Variants in NCALD observed in about 807,000 individuals in gnomAD.
NCALD encodes the protein neurocalcin-delta.
In NCALD, 10 loss-of-function variants were observed where a neutral mutation model predicts 18.6. The observed-to-expected ratio is 0.54, with a 90% CI of 0.33 to 0.91. NCALD has a LOEUF of 0.91. Ranked by LOEUF, NCALD falls within the 40% of genes least tolerant of loss-of-function variation. NCALD has a pLI of 0.03. For synonymous variants in NCALD, 88 were observed against 87.4 expected, an observed-to-expected ratio of 1.01 and a Z score of -0.04; for missense variants, 184 against 247.6, an observed-to-expected ratio of 0.74 and a Z score of 1.72.
intron 1 of NCALD, among the ~76,000 whole-genome samples, chr8:101,774,123 T>C (rs1811695899): frequency 6.6e-6 from 1 of 152,234 alleles, no homozygotes; most frequent in Non-Finnish European, 1.5e-5. Flanking sequence ...CAATGAATCA[T>C]ACACCATAGA....
At chr8:102,092,074 A>C (rs1380077039) in intron 1 of NCALD, among the ~76,000 whole-genome samples, 1 of 152,254 alleles carries the variant, frequency 6.6e-6, no homozygotes, top group Non-Finnish European at 1.5e-5. Context: ...ATAGGAGGTC[A>C]ACACAAGATA....
intron 1 of NCALD, among the ~76,000 whole-genome samples, chr8:101,784,424 A>G (rs1430826977): frequency 1.3e-5 from 2 of 152,134 alleles, no homozygotes; most frequent in Non-Finnish European, 2.9e-5. Flanking sequence ...GTACTCTATC[A>G]GTTGGACCAA....
At chr8:102,094,483 C>T (rs1799111826) in intron 1 of NCALD, among the ~76,000 whole-genome samples, 1 of 152,206 alleles carries the variant, frequency 6.6e-6, no homozygotes, top group South Asian at 2.1e-4. Context: ...ACACATCTGC[C>T]TCCACATCCT....
chr8:101,798,049 A>G (rs1231832007), intron 4 of NCALD, among the ~76,000 whole-genome samples: 1 of 152,186 alleles, frequency 6.6e-6, no homozygotes, highest in Non-Finnish European at 1.5e-5. Context: ...GTATACGGCT[A>G]ATTTTATACT....
At chr8:101,768,716 A>AAAAAAC in intron 1 of NCALD, among the ~76,000 whole-genome samples, 1 of 81,376 alleles carries the variant, frequency 1.2e-5, no homozygotes, top group African/African-American at 3.9e-5. Flanking sequence ...CTCAAAAAAC[A>AAAAAAC]AAAAAACAAA....
intron 1 of NCALD, among the ~76,000 whole-genome samples, chr8:102,122,817 T>C (rs75919555): frequency 6.6e-6 from 1 of 152,222 alleles, no homozygotes; most frequent in Admixed American, 6.5e-5. Context: ...AATGTCCATA[T>C]TGGCAACTCT....
intron 1 of NCALD, among the ~76,000 whole-genome samples, chr8:102,085,811 G>A (rs754929393): frequency 3.3e-5 from 5 of 150,942 alleles, no homozygotes; most frequent in Admixed American, 6.6e-5. Flanking sequence ...GGAATTTTGT[G>A]GCAAAAATTA....
chr8:102,043,785 C>T (rs1156712121), intron 1 of NCALD, among the ~76,000 whole-genome samples: 4 of 151,298 alleles, frequency 2.6e-5, no homozygotes, highest in African/African-American at 9.8e-5. Flanking sequence ...GCAGAAGCAG[C>T]AGCAGCAGCT....
chr8:101,773,749 T>C (rs938298321), intron 1 of NCALD, among the ~76,000 whole-genome samples: 34 of 152,288 alleles, frequency 2.2e-4, no homozygotes, highest in African/African-American at 4.8e-5. Flanking sequence ...GGACTAGTTA[T>C]ATAAATAAAA....
At chr8:101,760,315 A>C (rs1464590185) in intron 1 of NCALD, among the ~76,000 whole-genome samples, 1 of 152,192 alleles carries the variant, frequency 6.6e-6, no homozygotes, top group Non-Finnish European at 1.5e-5. Flanking sequence ...TGGGCTCTGA[A>C]GCAGCTGGAA....
chr8:102,046,388 G>A (rs1823240690), intron 1 of NCALD, among the ~76,000 whole-genome samples: 1 of 152,158 alleles, frequency 6.6e-6, no homozygotes. Flanking sequence ...AATTAGAAAA[G>A]CAATAGCAAT....
At chr8:101,770,325 G>C (rs563434536) in intron 1 of NCALD, among the ~76,000 whole-genome samples, 76 of 152,238 alleles carry the variant, frequency 5.0e-4, no homozygotes, top group African/African-American at 1.7e-3. Context: ...GCATATGCTT[G>C]ACATACTAGA....
At chr8:101,803,961 G>A (rs999272005) in intron 4 of NCALD, among the ~76,000 whole-genome samples, 7 of 152,106 alleles carry the variant, frequency 4.6e-5, no homozygotes, top group Admixed American at 6.5e-5. Context: ...GAAAGGAAGA[G>A]CCAACCGATG....
At chr8:101,892,714 A>G (rs532517360) in intron 3 of NCALD, among the ~76,000 whole-genome samples, 2 of 150,770 alleles carry the variant, frequency 1.3e-5, no homozygotes, top group East Asian at 3.9e-4. Flanking sequence ...TACGTGAAGA[A>G]TGCAGAAGCC....
At chr8:101,896,520 C>G (rs1817179963) in intron 3 of NCALD, among the ~76,000 whole-genome samples, 1 of 151,772 alleles carries the variant, frequency 6.6e-6, no homozygotes, top group South Asian at 2.1e-4. Flanking sequence ...CAAATGGGAT[C>G]TAATGAAACT....
rs149974978 is a variant in NCALD at position 101,779,134 on chromosome 8, C to G, written c.-20+11728G>C. 9.2e-3 allele frequency among the ~76,000 whole-genome samples: 1,402 copies of G among 152,090 alleles called. 12 individuals are homozygous for G. Among genetic ancestry groups the G allele is most frequent in the Non-Finnish European group, 0.013 (888 of 67,982 alleles). ...ATTATGAGGGCAAAATGAAGATCTA[C>G]AAAGATACAGCCCTTCTTCTATTAT... On this transcript the variant is annotated intron_variant, in intron 1 of 3. Coordinates refer to ENST00000220931, the MANE Select transcript of NCALD (RefSeq NM_032041.3).
In NCALD at chr8:101,687,921, T is replaced by G. The variant is rs1047046195; in HGVS notation, c.*1388A>C. 6.6e-6 allele frequency: 1 copy of G among 152,300 alleles called. No homozygotes were observed. Among genetic ancestry groups the G allele is most frequent in the Non-Finnish European group, 1.5e-5 (1 of 68,030 alleles). The allele number at this position is 152,300 out of a possible 1,614,324, so 9.4% of individuals were successfully genotyped here. ...CAAAGAGCACGGCAATGGAAAATACTTTTGGATTCTCCATAGGGGGGCCTT... is the reference window on the plus strand; with the variant it reads ...CAAAGAGCACGGCAATGGAAAATACGTTTGGATTCTCCATAGGGGGGCCTT... On this transcript the variant is annotated 3_prime_UTR_variant, in exon 4 of 4. Coordinates refer to ENST00000220931, the MANE Select transcript of NCALD (RefSeq NM_032041.3).
intron 4 of NCALD, among the ~76,000 whole-genome samples, chr8:101,879,456 G>GCTC: frequency 6.6e-6 from 1 of 152,296 alleles, no homozygotes; most frequent in African/African-American, 2.4e-5. Context: ...CAAAAGTGAG[G>GCTC]CTGCAGACCT....
At chr8:101,736,375 T>C (rs1000349833) in intron 1 of NCALD, among the ~76,000 whole-genome samples, 2 of 152,216 alleles carry the variant, frequency 1.3e-5, no homozygotes, top group African/African-American at 2.4e-5. Flanking sequence ...TATTCATGTC[T>C]CAGCAACCAC....
Sources: gnomAD v4.1 joint callset for allele counts (sites outside exome capture counted in the v4.1 genomes callset) on GRCh38, gnomAD v4.1.1 for gene constraint, MANE v1.5 for transcripts, NCBI Gene and HGNC (gene_info 2026-07-23, HGNC 2026-07-21) for gene names.